The following EPHB2 variants were observed in gnomAD, a reference collection of about 807,000 sequenced individuals.
EPHB2 encodes ephrin type-B receptor 2.
In EPHB2, 18 loss-of-function variants were observed where a neutral mutation model predicts 96.4. The ratio of observed to expected loss-of-function variants is 0.19; its 90% CI spans 0.13 to 0.28. The LOEUF is 0.28. Ranked by LOEUF, EPHB2 falls within the 10% of genes least tolerant of loss-of-function variation. The pLI is 1.00. For synonymous variants in EPHB2, 506 were observed against 534.1 expected, an observed-to-expected ratio of 0.95 and a Z score of 0.72; for missense variants, 989 against 1,355.4, an observed-to-expected ratio of 0.73 and a Z score of 4.25.
At chr1:22,895,403 G>T in intron 7 of EPHB2, 69 bp from the exon 8 acceptor site, 2 of 1,450,280 alleles carry the variant, frequency 1.4e-6, no homozygotes, top group Non-Finnish European at 1.9e-6. Flanking sequence ...GCATGGCAGG[G>T]GGTAGGGGAC....
At chr1:22,873,893 C>T (rs1042621152) in intron 5 of EPHB2, among the ~76,000 whole-genome samples, 1 of 152,162 alleles carries the variant, frequency 6.6e-6, no homozygotes, top group Non-Finnish European at 1.5e-5. Context: ...AAAATGTTGT[C>T]TTCTATTTGG....
At chr1:22,902,327 G>C (rs764449679) in intron 9 of EPHB2, among the ~76,000 whole-genome samples, 5 of 152,206 alleles carry the variant, frequency 3.3e-5, no homozygotes, top group Admixed American at 6.5e-5. Flanking sequence ...CCTAGAACAA[G>C]GCCTGGCACC....
In EPHB2 at chr1:22,895,518, C is replaced by A; in HGVS notation, c.1638C>A (p.Gly546=). The A allele has an allele frequency of 6.2e-7, 1 of 1,614,256 alleles. No homozygotes were observed. The highest frequency in any genetic ancestry group is 2.2e-5 in the East Asian group (1 of 44,890). The change falls in exon 8 of 16, where the codon GGC becomes GGA. Residue 546 remains glycine (G), a synonymous_variant. Coordinates refer to ENST00000374630, the MANE Select transcript of EPHB2 (RefSeq NM_017449.5). Reference sequence around the variant, plus strand: ...AGGAGAAGTTGCCACTCATCATCGGCTCCTCGGCCGCTGGCCTGGTCTTCC... The same window carrying A: ...AGGAGAAGTTGCCACTCATCATCGGATCCTCGGCCGCTGGCCTGGTCTTCC... The part of the protein sequence containing the change: ...SIQEKLPLII[G]SSAAGLVFLI...
chr1:22,825,199 A>G (rs1645206092), intron 3 of EPHB2, among the ~76,000 whole-genome samples: 1 of 152,232 alleles, frequency 6.6e-6, no homozygotes, highest in Non-Finnish European at 1.5e-5. Flanking sequence ...CTAGGTTATC[A>G]GCCCCATTCG....
At chr1:22,741,164 A>T (rs1643897002) in intron 1 of EPHB2, among the ~76,000 whole-genome samples, 1 of 151,512 alleles carries the variant, frequency 6.6e-6, no homozygotes, top group Non-Finnish European at 1.5e-5. Context: ...CTAAGTGCTT[A>T]ATCTCTCCCC....
intron 3 of EPHB2, among the ~76,000 whole-genome samples, chr1:22,859,168 G>T (rs1427372450): frequency 2.0e-5 from 3 of 152,090 alleles, no homozygotes; most frequent in Non-Finnish European, 1.5e-5. Context: ...CCTGCCAGGG[G>T]GCTCAGGGAA....
intron 3 of EPHB2, among the ~76,000 whole-genome samples, chr1:22,830,080 C>T (rs1221185327): frequency 1.3e-5 from 2 of 152,152 alleles, no homozygotes; most frequent in Non-Finnish European, 2.9e-5. Flanking sequence ...CTAGGGCTGA[C>T]AATTTGCTTT....
intron 6 of EPHB2, among the ~76,000 whole-genome samples, chr1:22,892,528 C>T (rs868033386): frequency 3.3e-5 from 5 of 152,118 alleles, no homozygotes; most frequent in Non-Finnish European, 7.3e-5. Flanking sequence ...CCAGTGGTTA[C>T]CCAGTGCAAG....
chr1:22,734,338 G>C (rs1322767328), intron 1 of EPHB2, among the ~76,000 whole-genome samples: 1 of 152,050 alleles, frequency 6.6e-6, no homozygotes, highest in Non-Finnish European at 1.5e-5. Flanking sequence ...AGACAGTTAG[G>C]GTAGGGCTCC....
chr1:22,771,598 G>A (rs1485505520), intron 1 of EPHB2, among the ~76,000 whole-genome samples: 1 of 152,174 alleles, frequency 6.6e-6, no homozygotes, highest in East Asian at 1.9e-4. Flanking sequence ...CTGCCTCTCT[G>A]AGCTTTCCTC....
intron 3 of EPHB2, among the ~76,000 whole-genome samples, chr1:22,844,905 C>T (rs1487680991): frequency 2.0e-5 from 3 of 152,256 alleles, no homozygotes; most frequent in Non-Finnish European, 4.4e-5. Flanking sequence ...GGTACTCGGG[C>T]CCTGGAACCA....
At chr1:22,759,706 C>G (rs1644207896) in intron 1 of EPHB2, among the ~76,000 whole-genome samples, 1 of 152,184 alleles carries the variant, frequency 6.6e-6, no homozygotes, top group Non-Finnish European at 1.5e-5. Flanking sequence ...CCAGGGAATT[C>G]AAAGCCCTTT....
intron 1 of EPHB2, among the ~76,000 whole-genome samples, chr1:22,771,054 C>T (rs987656222): frequency 8.5e-5 from 13 of 152,146 alleles, no homozygotes; most frequent in African/African-American, 2.7e-4. Flanking sequence ...CCTGGAGGAA[C>T]AGCTCAGACA....
chr1:22,844,170 G>A (rs1000608933), intron 3 of EPHB2, among the ~76,000 whole-genome samples: 16 of 152,148 alleles, frequency 1.1e-4, no homozygotes, highest in African/African-American at 1.9e-4. Flanking sequence ...CCTAATATTC[G>A]GATTGTTGGG....
intron 5 of EPHB2, among the ~76,000 whole-genome samples, chr1:22,870,885 C>T (rs1638641659): frequency 6.6e-6 from 1 of 152,228 alleles, no homozygotes; most frequent in Non-Finnish European, 1.5e-5. Flanking sequence ...GCATCTTCCT[C>T]ATGGATAGCT....
rs1473774940 is a variant in EPHB2 at position 22,733,355 on chromosome 1, G to A, written c.61+22312G>A. Among the ~76,000 whole-genome samples, 1 of 152,170 alleles carries A rather than the reference G, an allele frequency of 6.6e-6. No individual in the cohort carries two copies. Among genetic ancestry groups the A allele is most frequent in the Non-Finnish European group, 1.5e-5 (1 of 68,038 alleles). ...TGAACCACTGTGGCTGGCCCAGGCT[G>A]CCTTTCTAACCAGCCTCTTTATTTT... is the stretch of plus-strand genomic sequence containing the variant. On this transcript the variant is annotated intron_variant, in intron 1 of 15. Transcript: ENST00000374630. The surrounding 1 kb of genome is among the most constrained non-coding windows in gnomAD (Gnocchi z 4.6).
chr1:22,882,764 C>T (rs1469842845), intron 6 of EPHB2: 4 of 398,952 alleles, frequency 1.0e-5, no homozygotes, highest in African/African-American at 4.1e-5. Flanking sequence ...CCTTTCCCTA[C>T]CACGACCCTT....
chr1:22,836,812 G>A (rs1035571756), intron 3 of EPHB2: 1 of 152,346 alleles, frequency 6.6e-6, no homozygotes, highest in African/African-American at 2.4e-5. Context: ...ACAAAGCTGT[G>A]GTGGGCACCT....
At chr1:22,794,626 C>T (rs1374064090) in intron 3 of EPHB2, among the ~76,000 whole-genome samples, 3 of 152,132 alleles carry the variant, frequency 2.0e-5, no homozygotes, top group African/African-American at 7.2e-5. Flanking sequence ...ATCCACTGGC[C>T]CTCAGTCACC....
Sources: gnomAD v4.1 joint callset for allele counts (sites outside exome capture counted in the v4.1 genomes callset) on GRCh38, gnomAD v4.1.1 for gene constraint, Gnocchi (gnomAD v3.1) non-coding constraint, MANE v1.5 for transcripts, NCBI Gene and HGNC (gene_info 2026-07-23, HGNC 2026-07-21) for gene names.